Variants in THSD7B observed in about 807,000 individuals in gnomAD.
The protein encoded by THSD7B is thrombospondin type 1 domain containing 7B, also known as thrombospondin type-1 domain-containing protein 7B.
A neutral mutation model predicts 213.6 loss-of-function variants in THSD7B; 138 were observed. The ratio of observed to expected loss-of-function variants is 0.65; its 90% confidence interval spans 0.56 to 0.74. The LOEUF (loss-of-function observed/expected upper bound fraction) is 0.74, where lower values mean the gene tolerates loss of function less well. THSD7B is among the 30% of genes least tolerant of loss of function. THSD7B has a pLI of 0.00. For missense variants in THSD7B, 1,931 were observed against 1,991.5 expected, an observed-to-expected ratio of 0.97 and a Z score of 0.58; for synonymous variants, 742 against 687.0, an observed-to-expected ratio of 1.08 and a Z score of -1.25.
intron 2 of THSD7B, among the ~76,000 whole-genome samples, chr2:136,950,081 G>T (rs546200744): frequency 3.3e-5 from 5 of 152,154 alleles, no homozygotes; most frequent in African/African-American, 9.6e-5. Context: ...GTGAAACCCT[G>T]TCTCTACTAA....
intron 7 of THSD7B, among the ~76,000 whole-genome samples, chr2:137,210,700 G>A (rs13411987): frequency 0.061 from 9,223 of 151,952 alleles, 731 homozygotes; most frequent in African/African-American, 0.18. Context: ...GAGGAGTATC[G>A]AAGACTGCAC....
At chr2:137,040,399 CTT>C (rs56018211) in intron 2 of THSD7B, among the ~76,000 whole-genome samples, 64 of 142,556 alleles carry the variant, frequency 4.5e-4, no homozygotes, top group South Asian at 1.1e-3. Context: ...TCTTCCTCTT[CTT>C]TTTTTTTTTT....
At chr2:137,365,479 C>T (rs1052815443) in intron 12 of THSD7B, among the ~76,000 whole-genome samples, 3 of 152,104 alleles carry the variant, frequency 2.0e-5, no homozygotes, top group South Asian at 4.1e-4. Flanking sequence ...AGAAAATTTT[C>T]ACAATCTACC....
intron 14 of THSD7B, among the ~76,000 whole-genome samples, chr2:137,427,033 G>A (rs1263558672): frequency 5.3e-5 from 8 of 151,766 alleles, no homozygotes; most frequent in Non-Finnish European, 1.2e-4. Flanking sequence ...CAGCCAACAA[G>A]GATATGAAAA....
At chr2:137,435,344 A>G (rs1687270322) in intron 14 of THSD7B, among the ~76,000 whole-genome samples, 1 of 152,210 alleles carries the variant, frequency 6.6e-6, no homozygotes, top group Non-Finnish European at 1.5e-5. Context: ...TGTTTATCAG[A>G]GTAAAACCTC....
At chr2:137,220,962 A>G (rs1310439361) in intron 7 of THSD7B, among the ~76,000 whole-genome samples, 1 of 152,132 alleles carries the variant, frequency 6.6e-6, no homozygotes, top group African/African-American at 2.4e-5. Flanking sequence ...TATATATGAC[A>G]TTCTGGGGGA....
At chr2:137,069,811 A>G (rs939224213) in intron 3 of THSD7B, among the ~76,000 whole-genome samples, 2 of 151,388 alleles carry the variant, frequency 1.3e-5, no homozygotes, top group Non-Finnish European at 2.9e-5. Flanking sequence ...AGAAATGTAT[A>G]TATTTATATG....
At chr2:136,958,222 G>C (rs946789483) in intron 2 of THSD7B, among the ~76,000 whole-genome samples, 2 of 152,094 alleles carry the variant, frequency 1.3e-5, no homozygotes, top group East Asian at 3.9e-4. Context: ...CAAAAGTGAC[G>C]CTAAAGATTT....
At chr2:137,315,431 C>G (rs1049529650) in intron 12 of THSD7B, among the ~76,000 whole-genome samples, 1 of 152,212 alleles carries the variant, frequency 6.6e-6, no homozygotes, top group Admixed American at 6.5e-5. Flanking sequence ...GAGATGAACC[C>G]GATACCTCAG....
At chr2:136,841,335 A>G (rs1573663861) in intron 1 of THSD7B, among the ~76,000 whole-genome samples, 1 of 152,004 alleles carries the variant, frequency 6.6e-6, no homozygotes, top group Admixed American at 6.6e-5. Context: ...GTGGCTCATG[A>G]CGGTAATCCC....
intron 2 of THSD7B, among the ~76,000 whole-genome samples, chr2:136,993,711 A>G (rs1037059798): frequency 6.6e-6 from 1 of 152,218 alleles, no homozygotes; most frequent in Non-Finnish European, 1.5e-5. Context: ...AAGAACAATA[A>G]CAACAAAGAC....
chr2:136,861,797 T>A (rs141023037), intron 1 of THSD7B, among the ~76,000 whole-genome samples: 2 of 152,328 alleles, frequency 1.3e-5, no homozygotes, highest in Admixed American at 6.5e-5. Flanking sequence ...CTCACACAGT[T>A]GCTGTAGGTC....
At chr2:136,856,874 C>T (rs115525691) in intron 1 of THSD7B, among the ~76,000 whole-genome samples, 248 of 152,270 alleles carry the variant, frequency 1.6e-3, no homozygotes, top group Admixed American at 4.6e-3. Flanking sequence ...CTTGAATCTT[C>T]AGTTTAGTAT....
At chr2:137,342,390 CA>C (rs1248485355) in intron 12 of THSD7B, among the ~76,000 whole-genome samples, 3 of 28,036 alleles carry the variant, frequency 1.1e-4, no homozygotes, top group Non-Finnish European at 2.1e-4. Flanking sequence ...TTAGTTCTAA[CA>C]GGGGTTTTTT....
At chr2:137,409,321 A>G (rs1039510096) in intron 13 of THSD7B, among the ~76,000 whole-genome samples, 1 of 152,248 alleles carries the variant, frequency 6.6e-6, no homozygotes, top group Non-Finnish European at 1.5e-5. Flanking sequence ...TGGAATGGAA[A>G]CAAATGGACT....
chr2:137,514,172 T>C (rs1209292458), intron 15 of THSD7B, among the ~76,000 whole-genome samples: 5 of 152,174 alleles, frequency 3.3e-5, no homozygotes, highest in African/African-American at 1.2e-4. Flanking sequence ...GTCAACTTGA[T>C]TGGATTGAAA....
intron 2 of THSD7B, among the ~76,000 whole-genome samples, chr2:136,987,423 C>T (rs1373829011): frequency 1.3e-5 from 2 of 152,028 alleles, no homozygotes; most frequent in South Asian, 4.1e-4. Context: ...AAAAAGTTAG[C>T]TGTAAATGGA....
At chr2:136,902,744 A>G (rs918999192) in intron 2 of THSD7B, among the ~76,000 whole-genome samples, 2 of 152,156 alleles carry the variant, frequency 1.3e-5, no homozygotes, top group African/African-American at 4.8e-5. Flanking sequence ...TGAAGAAAAT[A>G]TTGTGGCAAT....
At chr2:137,201,548 T>C (rs113978927) in intron 7 of THSD7B, among the ~76,000 whole-genome samples, 2,186 of 152,288 alleles carry the variant, frequency 0.014, 37 homozygotes, top group African/African-American at 0.049. Context: ...TGTATACATA[T>C]ATTAAAACAC....
Sources: gnomAD v4.1 joint callset for allele counts (sites outside exome capture counted in the v4.1 genomes callset) on GRCh38, gnomAD v4.1.1 for gene constraint, MANE v1.5 for transcripts, NCBI Gene and HGNC (gene_info 2026-07-23, HGNC 2026-07-21) for gene names.